Variants in RNF4 observed in about 807,000 individuals in gnomAD.
RNF4 encodes the protein E3 ubiquitin-protein ligase RNF4.
RNF4 carries 7 observed loss-of-function variants against 24.3 expected under a neutral mutation model. That is an observed-to-expected ratio of 0.29 (90% CI 0.16 to 0.54). The LOEUF (loss-of-function observed/expected upper bound fraction) is 0.54, where lower values mean the gene tolerates loss of function less well. Among genes scored for constraint, RNF4 ranks in the 20% least tolerant of loss-of-function variants. RNF4 has a pLI of 0.95. For missense variants in RNF4, 209 were observed against 248.5 expected (o/e 0.84, Z 1.07); for synonymous variants, 83 against 84.3 (o/e 0.98, Z 0.09).
intron 4 of RNF4, among the ~76,000 whole-genome samples, chr4:2,509,415 A>G (rs777371203): frequency 4.0e-5 from 6 of 151,396 alleles, no homozygotes; most frequent in Non-Finnish European, 7.4e-5. Flanking sequence ...ACAGGGTTTC[A>G]CCATGTTGGT....
intron 4 of RNF4, among the ~76,000 whole-genome samples, chr4:2,510,751 C>G (rs965122017): frequency 6.6e-6 from 1 of 152,210 alleles, no homozygotes; most frequent in African/African-American, 2.4e-5. Flanking sequence ...AACAGCCCCT[C>G]CTACGTGCTC....
intron 1 of RNF4, among the ~76,000 whole-genome samples, chr4:2,477,570 G>A (rs954619953): frequency 3.9e-5 from 6 of 152,164 alleles, no homozygotes; most frequent in African/African-American, 1.4e-4. Context: ...GGACAACAGA[G>A]TAGACTTAAT....
intron 1 of RNF4, among the ~76,000 whole-genome samples, chr4:2,473,381 T>TAA (rs542105879): frequency 6.7e-5 from 10 of 148,688 alleles, no homozygotes; most frequent in African/African-American, 2.5e-4. Context: ...GATTCCGTCT[T>TAA]AAAAAAAAAA....
chr4:2,473,823 T>G (rs1207267586), intron 1 of RNF4, among the ~76,000 whole-genome samples: 11 of 149,500 alleles, frequency 7.4e-5, no homozygotes, highest in African/African-American at 2.5e-4. Flanking sequence ...AAAAAAAAAG[T>G]AGAGCCTGAA....
At chr4:2,473,729 A>T (rs1258043226) in intron 1 of RNF4, among the ~76,000 whole-genome samples, 1 of 151,878 alleles carries the variant, frequency 6.6e-6, no homozygotes, top group Non-Finnish European at 1.5e-5. Flanking sequence ...AGAATTGCTT[A>T]AACCTGGAGG....
intron 1 of RNF4, chr4:2,479,727 G>A (rs1223177636): frequency 2.0e-5 from 3 of 152,144 alleles, no homozygotes; most frequent in Admixed American, 1.3e-4. Flanking sequence ...GCGTGAAAAC[G>A]GACTAATACA....
intron 4 of RNF4, among the ~76,000 whole-genome samples, chr4:2,504,726 A>ATTTTTTTTTTTTTTTTTTTTTTTTTTT (rs1182588172): frequency 1.6e-5 from 1 of 61,126 alleles, no homozygotes; most frequent in African/African-American, 6.1e-5. Flanking sequence ...CATTTTTTGT[A>ATTTTTTTTTTTTTTTTTTTTTTTTTTT]TTTTTTTTTT....
At chr4:2,507,504 G>A (rs1736138241) in intron 4 of RNF4, among the ~76,000 whole-genome samples, 1 of 152,206 alleles carries the variant, frequency 6.6e-6, no homozygotes, top group Non-Finnish European at 1.5e-5. Flanking sequence ...TGTGCACAGT[G>A]CTTGGAGATG....
At chr4:2,490,220 G>A (rs1370453712) in intron 1 of RNF4, 117 bp from the exon 2 acceptor site, 1 of 406,304 alleles carries the variant, frequency 2.5e-6, no homozygotes, top group Non-Finnish European at 4.5e-6. Context: ...GGATGTCATT[G>A]CGTGAAATAG....
intron 4 of RNF4, among the ~76,000 whole-genome samples, chr4:2,510,984 G>A (rs1736255875): frequency 6.6e-6 from 1 of 152,232 alleles, no homozygotes; most frequent in African/African-American, 2.4e-5. Context: ...TGCATAGCCT[G>A]CTTTTCTCTG....
chr4:2,476,158 C>T (rs1405295869), intron 1 of RNF4, among the ~76,000 whole-genome samples: 1 of 152,130 alleles, frequency 6.6e-6, no homozygotes, highest in Non-Finnish European at 1.5e-5. Flanking sequence ...AGGGCCTAGG[C>T]ATTTCCCTGT....
intron 1 of RNF4, among the ~76,000 whole-genome samples, chr4:2,487,113 C>T (rs71608203): frequency 6.6e-6 from 1 of 152,196 alleles, no homozygotes; most frequent in Admixed American, 6.5e-5. Context: ...TGAACACTTA[C>T]CAGGTGAGGT....
intron 1 of RNF4, among the ~76,000 whole-genome samples, chr4:2,484,697 AG>A (rs1334944007): frequency 6.6e-6 from 1 of 152,184 alleles, no homozygotes; most frequent in African/African-American, 2.4e-5. Context: ...ATAATTACTT[AG>A]ACCTTAAATA....
At chr4:2,485,847 G>T (rs1191877046) in intron 1 of RNF4, among the ~76,000 whole-genome samples, 5 of 152,210 alleles carry the variant, frequency 3.3e-5, no homozygotes, top group African/African-American at 4.8e-5. Flanking sequence ...GAGCATACTG[G>T]ACGAGAGACT....
intron 4 of RNF4, chr4:2,505,521 T>C (rs960498354): frequency 6.6e-6 from 1 of 150,474 alleles, no homozygotes; most frequent in Non-Finnish European, 1.5e-5. Flanking sequence ...GAGACGGGGT[T>C]TCACCATGTT....
intron 4 of RNF4, among the ~76,000 whole-genome samples, chr4:2,502,638 C>T (rs1214103396): frequency 6.6e-6 from 1 of 150,668 alleles, no homozygotes; most frequent in African/African-American, 2.4e-5. Context: ...CGTCACTGCA[C>T]TCCAGCCCGG....
In RNF4 at chr4:2,487,393, C is replaced by G. The variant is rs928248208; in HGVS notation, c.-157-2944C>G. On this transcript the variant is annotated intron_variant, in intron 1 of 7. Transcript: ENST00000314289. ...CTCCGCCTCCCGGGTTCAAGTGATT[C>G]TTGTGCCTTAGCCTCCTACGTAGCT... is the stretch of plus-strand genomic sequence containing the variant. Among the ~76,000 whole-genome samples, 8 of 152,318 alleles carry G rather than the reference C, an allele frequency of 5.3e-5. 1 individual carries two copies. In the East Asian group the frequency reaches 1.5e-3, roughly 29 times the overall value.
At chr4:2,509,493 C>T (rs1002406764) in intron 4 of RNF4, among the ~76,000 whole-genome samples, 4 of 152,148 alleles carry the variant, frequency 2.6e-5, no homozygotes, top group Non-Finnish European at 4.4e-5. Context: ...GCTGAGATTC[C>T]AGGTGTGAGC....
intron 2 of RNF4, among the ~76,000 whole-genome samples, chr4:2,491,455 G>A (rs912529683): frequency 1.6e-4 from 25 of 151,872 alleles, no homozygotes; most frequent in African/African-American, 5.8e-4. Context: ...AGGCTATTTT[G>A]GTTTGTTTTT....
Sources: gnomAD v4.1 joint callset for allele counts (sites outside exome capture counted in the v4.1 genomes callset) on GRCh38, gnomAD v4.1.1 for gene constraint, MANE v1.5 for transcripts, NCBI Gene and HGNC (gene_info 2026-07-23, HGNC 2026-07-21) for gene names.